DLGAP3: variants seen among roughly 807,000 people sequenced by gnomAD.
DLGAP3 encodes the protein disks large-associated protein 3.
DLGAP3 carries 17 observed loss-of-function variants against 81.2 expected under a neutral mutation model. The ratio of observed to expected loss-of-function variants is 0.21; its 90% CI spans 0.14 to 0.31. The LOEUF (loss-of-function observed/expected upper bound fraction) is 0.31, where lower values mean the gene tolerates loss of function less well. Among genes scored for constraint, DLGAP3 ranks in the 10% least tolerant of loss-of-function variants. The probability of loss-of-function intolerance (pLI) is 1.00; values close to 1 mark genes in which losing one functional copy is unlikely to be tolerated. For missense variants in DLGAP3, 1,124 were observed against 1,388.0 expected, an observed-to-expected ratio of 0.81 and a Z score of 3.02; for synonymous variants, 577 against 587.4, an observed-to-expected ratio of 0.98 and a Z score of 0.26.
chr1:34,913,060 G>T (rs539333733), intron 1 of DLGAP3, among the ~76,000 whole-genome samples: 2 of 152,162 alleles, frequency 1.3e-5, no homozygotes, highest in East Asian at 3.9e-4. Context: ...GGCATGCCTT[G>T]TATCCAACCC....
At chr1:34,916,415 C>T (rs558790361) in intron 1 of DLGAP3, among the ~76,000 whole-genome samples, 37 of 152,338 alleles carry the variant, frequency 2.4e-4, no homozygotes, top group African/African-American at 8.4e-4. Context: ...TCCTGAATAC[C>T]TACAACTGTC....
At chr1:34,910,098 G>A (rs917094063) in intron 1 of DLGAP3, among the ~76,000 whole-genome samples, 12 of 152,232 alleles carry the variant, frequency 7.9e-5, no homozygotes, top group Admixed American at 3.9e-4. Flanking sequence ...AGCTAGGGCC[G>A]CTATCTTGCC....
intron 1 of DLGAP3, among the ~76,000 whole-genome samples, chr1:34,915,313 CT>C (rs547523270): frequency 5.4e-4 from 83 of 152,326 alleles, no homozygotes; most frequent in Middle Eastern, 3.4e-3. Context: ...ACCAAAGCAC[CT>C]TCTTTCATTT....
chr1:34,879,620 A>G (rs927064204), intron 8 of DLGAP3, among the ~76,000 whole-genome samples: 2 of 152,202 alleles, frequency 1.3e-5, no homozygotes, highest in African/African-American at 4.8e-5. Flanking sequence ...TATGACCACA[A>G]TGTAGCAAAT....
chr1:34,907,005 G>C (rs1326487724), intron 2 of DLGAP3, among the ~76,000 whole-genome samples: 1 of 152,086 alleles, frequency 6.6e-6, no homozygotes, highest in Non-Finnish European at 1.5e-5. Context: ...TAGGAGGGAT[G>C]ACAGCCTCAA....
chr1:34,877,334 C>CT (rs1321027205), intron 8 of DLGAP3, among the ~76,000 whole-genome samples: 2 of 152,154 alleles, frequency 1.3e-5, no homozygotes, highest in African/African-American at 4.8e-5. Flanking sequence ...AAGGAGGATG[C>CT]TGGGAAATCG....
rs1639514761 is a variant in DLGAP3, at chr1:34,904,668, C to T, written c.716G>A (p.Gly239Asp). Residue 239 changes from glycine to aspartate, a missense_variant, in exon 3 of 12, where the codon GGC becomes GAC. Transcript: ENST00000373347. The surrounding 1 kb of genome is among the most constrained non-coding windows in gnomAD (Gnocchi z 8.1). ...HHHHHHQSRH[G>D]KRSKSKDRKG... ...GCGGTCCTTGCTCTTGCTCCTCTTG[C>T]CGTGCCGGGACTGGTGGTGGTGGTG... 1 of 1,614,122 alleles carries T rather than the reference C, an allele frequency of 6.2e-7. No homozygotes were observed. Among genetic ancestry groups the T allele is most frequent in the African/African-American group, 1.3e-5 (1 of 75,044 alleles).
chr1:34,906,032 ATTTGTTTGTTTT>A (rs1475407570), intron 2 of DLGAP3, among the ~76,000 whole-genome samples: 185 of 125,990 alleles, frequency 1.5e-3, no homozygotes, highest in East Asian at 2.5e-3. Context: ...ATATATATAT[ATTTGTTTGTTTT>A]TATATTTGTA....
intron 5 of DLGAP3, among the ~76,000 whole-genome samples, chr1:34,898,018 G>A (rs892739640): frequency 1.3e-5 from 2 of 152,182 alleles, no homozygotes; most frequent in Non-Finnish European, 2.9e-5. Flanking sequence ...ATTGTGGAGG[G>A]TGTGTGTATC....
Position 34,865,773 on chromosome 1 carries a change from G to A in DLGAP3, c.*310C>T, listed in dbSNP as rs971501745. On this transcript the variant is annotated 3_prime_UTR_variant, in exon 12 of 12. Coordinates refer to ENST00000373347, the MANE Select transcript of DLGAP3 (RefSeq NM_001080418.3). ...TGAGGGACCCGGCCCGGCCTGGCCC[G>A]TGGGGGAAAGAATGGCAGAGATGGT... The A allele has an allele frequency of 1.6e-4, 72 of 436,532 alleles. No homozygotes were observed. The highest frequency in any genetic ancestry group is 1.3e-3 in the South Asian group (63 of 46,840). The allele number at this position is 436,532 out of a possible 1,614,324, so 27.0% of individuals were successfully genotyped here.
chr1:34,910,265 C>G (rs993742790), intron 1 of DLGAP3, among the ~76,000 whole-genome samples: 5 of 152,194 alleles, frequency 3.3e-5, no homozygotes, highest in African/African-American at 1.2e-4. Flanking sequence ...GTATTTGCAG[C>G]AGAAAGCACT....
chr1:34,926,065 T>A (rs1255543829), intron 1 of DLGAP3, among the ~76,000 whole-genome samples: 1 of 152,106 alleles, frequency 6.6e-6, no homozygotes, highest in Non-Finnish European at 1.5e-5. Context: ...CCTGTATAAG[T>A]TTATACAAGC....
intron 2 of DLGAP3, among the ~76,000 whole-genome samples, chr1:34,906,034 T>TATATATATATA (rs1557492434): frequency 1.5e-4 from 6 of 39,144 alleles, no homozygotes; most frequent in African/African-American, 3.0e-4. Flanking sequence ...ATATATATAT[T>TATATATATATA]TGTTTGTTTT....
chr1:34,879,396 C>G (rs1639111887), intron 8 of DLGAP3, among the ~76,000 whole-genome samples: 2 of 152,140 alleles, frequency 1.3e-5, no homozygotes, highest in African/African-American at 2.4e-5. Flanking sequence ...CAATGAGAAT[C>G]GAATGCTACC....
intron 1 of DLGAP3, among the ~76,000 whole-genome samples, chr1:34,925,771 C>T (rs1004618254): frequency 5.3e-5 from 8 of 152,038 alleles, no homozygotes; most frequent in Non-Finnish European, 7.4e-5. Context: ...GAGCTTGGGC[C>T]CCCGACACCA....
At chr1:34,896,038 C>A (rs61776354) in intron 5 of DLGAP3, among the ~76,000 whole-genome samples, 46,924 of 151,802 alleles carry the variant, frequency 0.31, 7,534 homozygotes, top group Non-Finnish European at 0.34. Flanking sequence ...TTTTTGTGAT[C>A]TTGCATTAGA....
intron 1 of DLGAP3, among the ~76,000 whole-genome samples, chr1:34,922,251 G>C (rs1312359058): frequency 6.6e-6 from 1 of 152,156 alleles, no homozygotes; most frequent in African/African-American, 2.4e-5. Context: ...TGGCTCCCAA[G>C]GACATAAGAA....
intron 5 of DLGAP3, among the ~76,000 whole-genome samples, chr1:34,887,018 G>A (rs369234449): frequency 5.8e-5 from 8 of 137,554 alleles, no homozygotes; most frequent in African/African-American, 2.2e-4. Flanking sequence ...GCAGTGGCGC[G>A]ATCTCGGCTC....
chr1:34,917,599 G>C (rs1362322832), intron 1 of DLGAP3, among the ~76,000 whole-genome samples: 1 of 152,072 alleles, frequency 6.6e-6, no homozygotes, highest in African/African-American at 2.4e-5. Context: ...TCCTGCCTCG[G>C]CCTCCCAAGT....
Sources: gnomAD v4.1 joint callset for allele counts (sites outside exome capture counted in the v4.1 genomes callset) on GRCh38, gnomAD v4.1.1 for gene constraint, Gnocchi (gnomAD v3.1) non-coding constraint, MANE v1.5 for transcripts, NCBI Gene and HGNC (gene_info 2026-07-23, HGNC 2026-07-21) for gene names.